Variants in NTRK2 observed in about 807,000 individuals in gnomAD.
NTRK2 encodes the protein BDNF/NT-3 growth factors receptor.
NTRK2 carries 13 observed loss-of-function variants against 94.5 expected under a neutral mutation model. That is an observed-to-expected ratio of 0.14 (90% CI 0.09 to 0.22). The LOEUF is 0.22. Among genes scored for constraint, NTRK2 ranks in the 10% least tolerant of loss-of-function variants. NTRK2 has a pLI of 1.00. For synonymous variants in NTRK2, 372 were observed against 407.4 expected (o/e 0.91, Z 1.05); for missense variants, 639 against 1,071.2 (o/e 0.60, Z 5.63).
chr9:84,675,856 G>C (rs11140730), intron 2 of NTRK2, among the ~76,000 whole-genome samples: 5 of 152,130 alleles, frequency 3.3e-5, no homozygotes, highest in African/African-American at 4.8e-5. Flanking sequence ...ATCTCCATTA[G>C]AAAAGTAAAG....
At chr9:84,825,526 C>T (rs2073131366) in intron 12 of NTRK2, among the ~76,000 whole-genome samples, 1 of 152,160 alleles carries the variant, frequency 6.6e-6, no homozygotes, top group South Asian at 2.1e-4. Context: ...TGGCACTTAA[C>T]TCTCCAAGTC....
intron 18 of NTRK2, among the ~76,000 whole-genome samples, 186 bp downstream of exon 18, chr9:85,020,550 G>T (rs560985290): frequency 2.0e-5 from 3 of 152,292 alleles, no homozygotes; most frequent in Admixed American, 1.3e-4. Context: ...ATCACTCTGA[G>T]AAAGCAAAGC....
intron 12 of NTRK2, among the ~76,000 whole-genome samples, chr9:84,832,083 T>C (rs2073585083): frequency 6.6e-6 from 1 of 152,248 alleles, no homozygotes; most frequent in South Asian, 2.1e-4. Context: ...TCTTTCCACC[T>C]TGACCTTCAG....
At chr9:84,921,655 G>C (rs2077570347) in intron 14 of NTRK2, among the ~76,000 whole-genome samples, 1 of 152,146 alleles carries the variant, frequency 6.6e-6, no homozygotes, top group South Asian at 2.1e-4. Flanking sequence ...GTAGTGTCAG[G>C]ATATGGCTGG....
At chr9:85,004,908 G>A (rs1830784986) in intron 17 of NTRK2, among the ~76,000 whole-genome samples, 1 of 152,212 alleles carries the variant, frequency 6.6e-6, no homozygotes, top group Non-Finnish European at 1.5e-5. Flanking sequence ...AGAGAAGCAT[G>A]CAGAGACCAT....
Position 84,670,359 on chromosome 9 carries a change from G to T in NTRK2, c.-372-18G>T, listed in dbSNP as rs2058625998. 2.7e-6 allele frequency: 1 copy of T among 371,098 alleles called. No homozygotes were observed. Among genetic ancestry groups the T allele is most frequent in the African/African-American group, 2.1e-5 (1 of 47,710 alleles). 23.0% of individuals were successfully genotyped at this position (371,098 alleles called of 1,614,324 possible). ...GGGGGTCCTACGCTCAGTCTTACGC[G>T]TGTCTGTTTGTCCTCAGCCTCGAGG... is the stretch of plus-strand genomic sequence containing the variant. On this transcript the variant is annotated intron_variant, in intron 1 of 18. Transcript: ENST00000277120.
chr9:84,864,736 CTTTTTTT>C (rs71369154), intron 13 of NTRK2, among the ~76,000 whole-genome samples: 15 of 104,588 alleles, frequency 1.4e-4, no homozygotes, highest in Admixed American at 2.4e-4. Context: ...TCTTAATTTT[CTTTTTTT>C]TTTTTTTTTT....
chr9:84,768,726 A>G (rs927655263), intron 12 of NTRK2, among the ~76,000 whole-genome samples: 1 of 152,264 alleles, frequency 6.6e-6, no homozygotes, highest in Admixed American at 6.5e-5. Context: ...ATATGGAAAA[A>G]GAGAGCTCAG....
At chr9:84,771,064 G>T (rs1251154159) in intron 12 of NTRK2, among the ~76,000 whole-genome samples, 2 of 152,216 alleles carry the variant, frequency 1.3e-5, no homozygotes, top group Admixed American at 1.3e-4. Context: ...TAATTTCCCA[G>T]AATGGGAGTG....
chr9:84,958,220 A>G (rs1288857140), intron 17 of NTRK2, among the ~76,000 whole-genome samples: 3 of 152,192 alleles, frequency 2.0e-5, no homozygotes, highest in Admixed American at 6.5e-5. Context: ...ACACTGAATC[A>G]TTCACTTTAA....
intron 17 of NTRK2, among the ~76,000 whole-genome samples, chr9:84,969,047 C>G (rs1825887881): frequency 6.6e-6 from 1 of 152,210 alleles, no homozygotes; most frequent in African/African-American, 2.4e-5. Context: ...ACACTTCCTA[C>G]AAGTGCAGCC....
At chr9:84,894,515 C>T (rs1587851725) in intron 14 of NTRK2, among the ~76,000 whole-genome samples, 1 of 152,148 alleles carries the variant, frequency 6.6e-6, no homozygotes, top group African/African-American at 2.4e-5. Context: ...AAGATTCCCC[C>T]ACCATACCCC....
intron 12 of NTRK2, among the ~76,000 whole-genome samples, chr9:84,816,511 C>T (rs900581819): frequency 2.6e-5 from 4 of 151,704 alleles, no homozygotes; most frequent in Admixed American, 6.6e-5. Flanking sequence ...CTGGGCGTGG[C>T]GGCTCACACC....
chr9:84,997,950 T>C (rs1487061065), intron 17 of NTRK2, among the ~76,000 whole-genome samples: 1 of 152,176 alleles, frequency 6.6e-6, no homozygotes, highest in Non-Finnish European at 1.5e-5. Context: ...CAGCCCCTGC[T>C]GTGATAACCG....
chr9:84,962,553 A>T (rs1330945243), intron 17 of NTRK2, among the ~76,000 whole-genome samples: 4 of 152,132 alleles, frequency 2.6e-5, no homozygotes, highest in Non-Finnish European at 2.9e-5. Flanking sequence ...TATACGTAGA[A>T]GTGCTACATT....
chr9:84,901,838 A>G (rs929922782), intron 14 of NTRK2, among the ~76,000 whole-genome samples: 1 of 152,126 alleles, frequency 6.6e-6, no homozygotes, highest in Non-Finnish European at 1.5e-5. Flanking sequence ...CACTAGAGTC[A>G]CCTTACATTG....
chr9:84,718,052 C>T (rs1159194618), intron 6 of NTRK2, among the ~76,000 whole-genome samples: 3 of 67,834 alleles, frequency 4.4e-5, no homozygotes, highest in African/African-American at 7.3e-5. Flanking sequence ...TCCTCCTCTT[C>T]TTCCTCCTCT....
chr9:84,670,732 G>C lies in NTRK2; in HGVS notation c.-17G>C, dbSNP rs2058647208. The C allele has an allele frequency of 6.2e-7, 1 of 1,610,740 alleles. No homozygotes were observed. The highest frequency in any genetic ancestry group is 1.3e-5 in the African/African-American group (1 of 74,894). On this transcript the variant is annotated 5_prime_UTR_variant, in exon 2 of 19. Transcript: ENST00000277120. ...CAGCGCGGGGACAGGCACTCGGGCT[G>C]GCACTGGCTGCTAGGGATGTCGTCC... is the stretch of plus-strand genomic sequence containing the variant.
intron 16 of NTRK2, among the ~76,000 whole-genome samples, chr9:84,952,160 T>C (rs571956022): frequency 1.3e-5 from 2 of 152,216 alleles, no homozygotes; most frequent in Non-Finnish European, 2.9e-5. Context: ...ATTCCTACGT[T>C]ACAGTTGGGG....
Sources: allele counts gnomAD v4.1 joint callset (sites outside exome capture counted in the v4.1 genomes callset), GRCh38; gene constraint gnomAD v4.1.1; transcripts MANE v1.5; gene names NCBI Gene and HGNC (gene_info 2026-07-23, HGNC 2026-07-21).